The following GLIS3 variants were observed in gnomAD, a reference collection of about 807,000 sequenced individuals.
The protein encoded by GLIS3 is zinc finger protein GLIS3.
GLIS3 carries 53 observed loss-of-function variants against 78.6 expected under a neutral mutation model. That is an observed-to-expected ratio of 0.67 (90% CI 0.54 to 0.85). GLIS3 has a LOEUF of 0.85. Ranked by LOEUF, GLIS3 falls within the 40% of genes least tolerant of loss-of-function variation. The pLI is 0.00. For synonymous variants in GLIS3, 684 were observed against 509.9 expected (o/e 1.34, Z -4.60); for missense variants, 1,703 against 1,231.1 (o/e 1.38, Z -5.74).
intron 2 of GLIS3, among the ~76,000 whole-genome samples, chr9:4,245,746 C>T (rs545489492): frequency 1.3e-5 from 2 of 152,154 alleles, no homozygotes; most frequent in East Asian, 1.9e-4. Context: ...TATATAAATA[C>T]CACTATATCC....
chr9:3,874,937 A>G (rs1250839115), intron 8 of GLIS3, among the ~76,000 whole-genome samples: 1 of 152,178 alleles, frequency 6.6e-6, no homozygotes, highest in Non-Finnish European at 1.5e-5. Flanking sequence ...CTGAACGACA[A>G]AGCGCACTGT....
intron 2 of GLIS3, among the ~76,000 whole-genome samples, chr9:4,227,224 G>A (rs1212146396): frequency 6.6e-6 from 1 of 151,284 alleles, no homozygotes; most frequent in Non-Finnish European, 1.5e-5. Context: ...CCATCCTGAG[G>A]CAGGTTATTT....
At chr9:3,946,036 A>T (rs1259494177) in intron 4 of GLIS3, among the ~76,000 whole-genome samples, 1 of 152,046 alleles carries the variant, frequency 6.6e-6, no homozygotes. Context: ...TGCATATACT[A>T]CTTCCTGTGC....
chr9:4,467,992 G>A, the GLIS3 span, among the ~76,000 whole-genome samples: 2 of 152,144 alleles, frequency 1.3e-5, no homozygotes, highest in African/African-American at 2.4e-5. Context: ...CGTGACACAG[G>A]CACAAGGTTC....
chr9:4,279,448 A>G (rs1217890207), intron 2 of GLIS3, among the ~76,000 whole-genome samples: 1 of 150,334 alleles, frequency 6.7e-6, no homozygotes, highest in Non-Finnish European at 1.5e-5. Flanking sequence ...GAACTGGAAG[A>G]AAAAAAACAA....
At chr9:3,999,768 T>C (rs1820999156) in intron 4 of GLIS3, among the ~76,000 whole-genome samples, 1 of 152,144 alleles carries the variant, frequency 6.6e-6, no homozygotes, top group Non-Finnish European at 1.5e-5. Flanking sequence ...GAGCTTATCC[T>C]GAAATGAATA....
At chr9:4,215,100 A>T (rs1246606728) in intron 2 of GLIS3, among the ~76,000 whole-genome samples, 1 of 152,212 alleles carries the variant, frequency 6.6e-6, no homozygotes, top group African/African-American at 2.4e-5. Context: ...GGAGCAAAGA[A>T]GGGAGATTGG....
chr9:4,485,988 G>A, the GLIS3 span, among the ~76,000 whole-genome samples: 5 of 152,126 alleles, frequency 3.3e-5, no homozygotes, highest in African/African-American at 9.7e-5. Context: ...TCCCAAAGAG[G>A]TGGGATTACA....
chr9:3,858,717 TA>T (rs539384613), intron 8 of GLIS3, among the ~76,000 whole-genome samples: 6 of 152,256 alleles, frequency 3.9e-5, no homozygotes, highest in Non-Finnish European at 8.8e-5. Flanking sequence ...AAAGAAATAG[TA>T]CAAAAATGTT....
intron 4 of GLIS3, among the ~76,000 whole-genome samples, chr9:4,061,632 G>A (rs1479981696): frequency 1.3e-5 from 2 of 152,130 alleles, no homozygotes; most frequent in African/African-American, 4.8e-5. Context: ...ACAGTTTAGT[G>A]TAAAAATGAG....
chr9:4,413,228 C>G, the GLIS3 span, among the ~76,000 whole-genome samples: 1 of 152,178 alleles, frequency 6.6e-6, no homozygotes, highest in African/African-American at 2.4e-5. Context: ...ATACCACAAT[C>G]CCAAATCAGG....
chr9:4,260,267 C>A (rs982054820), intron 2 of GLIS3, among the ~76,000 whole-genome samples: 3 of 152,004 alleles, frequency 2.0e-5, no homozygotes, highest in African/African-American at 4.8e-5. Context: ...CCTGTCTCTA[C>A]TGAAAATACA....
intron 2 of GLIS3, among the ~76,000 whole-genome samples, chr9:4,162,263 C>T (rs368414652): frequency 5.9e-5 from 9 of 152,052 alleles, no homozygotes; most frequent in African/African-American, 1.7e-4. Flanking sequence ...CACTCTAATC[C>T]GGTATGACCT....
chr9:4,368,294 C>T, the GLIS3 span, among the ~76,000 whole-genome samples: 1 of 151,124 alleles, frequency 6.6e-6, no homozygotes, highest in Non-Finnish European at 1.5e-5. Context: ...CATCACGAGG[C>T]AGAGAAATGA....
intron 2 of GLIS3, among the ~76,000 whole-genome samples, chr9:4,156,953 G>A (rs1052643569): frequency 3.3e-5 from 5 of 152,240 alleles, no homozygotes; most frequent in Middle Eastern, 3.4e-3. Context: ...CATATCTACC[G>A]AATCAGAAAC....
intron 2 of GLIS3, among the ~76,000 whole-genome samples, chr9:4,188,621 G>A (rs1323040174): frequency 6.6e-6 from 1 of 152,108 alleles, no homozygotes; most frequent in African/African-American, 2.4e-5. Flanking sequence ...GAATCCATCT[G>A]GTCCTGGACT....
chr9:4,253,468 C>T (rs1824592781), intron 2 of GLIS3, among the ~76,000 whole-genome samples: 1 of 152,224 alleles, frequency 6.6e-6, no homozygotes, highest in Admixed American at 6.5e-5. Context: ...CGACCAAGCT[C>T]GAGCATCCCA....
upstream of GLIS3, among the ~76,000 whole-genome samples, chr9:4,349,292 C>T (rs1817932527): frequency 6.6e-6 from 1 of 152,186 alleles, no homozygotes; most frequent in Non-Finnish European, 1.5e-5. Flanking sequence ...ATATTTTATG[C>T]AACCATATTT....
At chr9:3,894,260 T>A (rs1009950470) in intron 7 of GLIS3, among the ~76,000 whole-genome samples, 4 of 152,246 alleles carry the variant, frequency 2.6e-5, no homozygotes, top group Non-Finnish European at 5.9e-5. Context: ...TTCATATAGT[T>A]ACGTTGTTTA....
Sources: gnomAD v4.1 joint callset for allele counts (sites outside exome capture counted in the v4.1 genomes callset) on GRCh38, gnomAD v4.1.1 for gene constraint, MANE v1.5 for transcripts, NCBI Gene and HGNC (gene_info 2026-07-23, HGNC 2026-07-21) for gene names.